The following PKHD1 variants were observed in gnomAD, a reference collection of about 807,000 sequenced individuals.
PKHD1 encodes the protein fibrocystin.
In PKHD1, 291 loss-of-function variants were observed where a neutral mutation model predicts 412.0. That is an observed-to-expected ratio of 0.71 (90% CI 0.64 to 0.78). PKHD1 has a LOEUF of 0.78. PKHD1 is among the 30% of genes least tolerant of loss of function. The pLI is 0.00. For synonymous variants in PKHD1, 1,777 were observed against 1,821.5 expected (o/e 0.98, Z 0.62); for missense variants, 4,825 against 4,950.7 (o/e 0.97, Z 0.76).
chr6:52,056,005 A>AT (rs1259650054), intron 18 of PKHD1, among the ~76,000 whole-genome samples: 1 of 152,104 alleles, frequency 6.6e-6, no homozygotes, highest in Admixed American at 6.5e-5. Context: ...CACTATTAAT[A>AT]TTTTAGGGGC....
At chr6:51,968,539 T>C (rs1793185782) in intron 35 of PKHD1, among the ~76,000 whole-genome samples, 1 of 152,208 alleles carries the variant, frequency 6.6e-6, no homozygotes, top group African/African-American at 2.4e-5. Flanking sequence ...CTTCTCCCTG[T>C]CTTCTTGTTG....
At chr6:51,738,800 C>CTG (rs2150932175) in intron 60 of PKHD1, among the ~76,000 whole-genome samples, 1 of 152,218 alleles carries the variant, frequency 6.6e-6, no homozygotes, top group Non-Finnish European at 1.5e-5. Flanking sequence ...AGAGTCCCTG[C>CTG]CCTGGCTGCT....
chr6:51,670,027 A>AT (rs1275695436), intron 60 of PKHD1, among the ~76,000 whole-genome samples: 5 of 150,982 alleles, frequency 3.3e-5, no homozygotes, highest in Non-Finnish European at 5.9e-5. Context: ...TATTCTGGTG[A>AT]TTTGGGGTGG....
chr6:52,050,286 G>C lies in PKHD1; in HGVS notation c.2150C>G (p.Ala717Gly). ...IADTNVTVSQ[A>G]DSGTARPGGN... is the part of the protein sequence containing the mutation. ...CCCTGGGCGAGCCGTTCCAGAATCAGCTTGAGAAACTAGAGACCAGTGATC... is the reference window on the plus strand; with the variant it reads ...CCCTGGGCGAGCCGTTCCAGAATCACCTTGAGAAACTAGAGACCAGTGATC... The change falls in exon 22 of 67, where the codon GCT (alanine) becomes GGT (glycine). Residue 717 changes from alanine to glycine, a missense_variant. Transcript: ENST00000371117. 6.2e-7 allele frequency: 1 copy of C among 1,614,158 alleles called. No homozygotes were observed. Among genetic ancestry groups the C allele is most frequent in the Non-Finnish European group, 8.5e-7 (1 of 1,180,002 alleles).
At chr6:51,829,736 T>C (rs1767931156) in intron 52 of PKHD1, among the ~76,000 whole-genome samples, 1 of 152,138 alleles carries the variant, frequency 6.6e-6, no homozygotes, top group African/African-American at 2.4e-5. Context: ...CTTCTTTCAT[T>C]CTTCCTTCAT....
rs1224319154 is a variant in PKHD1, at chr6:52,083,267, T to C, written c.53-12A>G. The C allele has an allele frequency of 1.3e-6, 2 of 1,577,968 alleles. No homozygotes were observed. Among genetic ancestry groups the C allele is most frequent in the Non-Finnish European group, 1.7e-6 (2 of 1,147,100 alleles). ...ACTCAGGTGACGTACTGTAAGTAAG[T>C]GAAAAAAAACATTGGTTTTGAAGGT... On this transcript the variant is annotated splice_polypyrimidine_tract_variant and intron_variant, in intron 2 of 66. Coordinates refer to ENST00000371117, the MANE Select transcript of PKHD1 (RefSeq NM_138694.4).
chr6:51,711,856 T>C (rs1335097467), intron 60 of PKHD1, among the ~76,000 whole-genome samples: 1 of 152,250 alleles, frequency 6.6e-6, no homozygotes, highest in Admixed American at 6.5e-5. Flanking sequence ...CCAATCATAT[T>C]TGCAAATATG....
chr6:51,909,951 C>A (rs989935223), intron 39 of PKHD1, among the ~76,000 whole-genome samples: 1 of 152,086 alleles, frequency 6.6e-6, no homozygotes, highest in African/African-American at 2.4e-5. Flanking sequence ...TTAGCAATAA[C>A]GCTACCACAG....
At chr6:51,874,361 G>T (rs1193059064) in intron 46 of PKHD1, among the ~76,000 whole-genome samples, 1 of 152,142 alleles carries the variant, frequency 6.6e-6, no homozygotes, top group Non-Finnish European at 1.5e-5. Context: ...ACCCAAACTA[G>T]GATATATCGT....
chr6:51,665,226 T>C (rs1039611402), intron 60 of PKHD1, among the ~76,000 whole-genome samples: 6 of 152,110 alleles, frequency 3.9e-5, no homozygotes, highest in Non-Finnish European at 7.4e-5. Flanking sequence ...TTGTGACAGA[T>C]ATACTTTTTC....
intron 56 of PKHD1, among the ~76,000 whole-genome samples, chr6:51,754,069 T>A (rs1786556976): frequency 6.6e-6 from 1 of 152,196 alleles, no homozygotes; most frequent in Non-Finnish European, 1.5e-5. Context: ...GATTTGCCTC[T>A]CAAGTATCAG....
chr6:52,012,418 T>C (rs1360195680), intron 34 of PKHD1, among the ~76,000 whole-genome samples: 2 of 152,228 alleles, frequency 1.3e-5, no homozygotes, highest in African/African-American at 4.8e-5. Flanking sequence ...GTTGCTCAAA[T>C]TTGTTTTGAA....
chr6:51,996,347 T>C (rs1030593798), intron 35 of PKHD1, among the ~76,000 whole-genome samples: 6 of 152,044 alleles, frequency 3.9e-5, no homozygotes, highest in Admixed American at 3.9e-4. Context: ...TTTGGGGAGA[T>C]GAATTATGAG....
At chr6:51,997,861 C>T (rs908109955) in intron 35 of PKHD1, among the ~76,000 whole-genome samples, 1 of 152,160 alleles carries the variant, frequency 6.6e-6, no homozygotes, top group African/African-American at 2.4e-5. Context: ...TCCCATCAGT[C>T]GTTTCTGCCT....
At chr6:51,903,871 T>C (rs1194648896) in intron 42 of PKHD1, 115 bp downstream of exon 42, 3 of 501,554 alleles carry the variant, frequency 6.0e-6, no homozygotes, top group East Asian at 3.6e-5. Context: ...TTAGAAAATA[T>C]TTAGTATGCA....
At chr6:51,864,501 C>G (rs941106234) in intron 48 of PKHD1, among the ~76,000 whole-genome samples, 3 of 152,018 alleles carry the variant, frequency 2.0e-5, no homozygotes, top group African/African-American at 7.2e-5. Flanking sequence ...GAAAATTGAG[C>G]TGATAGGTGA....
intron 35 of PKHD1, among the ~76,000 whole-genome samples, chr6:51,961,753 G>A (rs1265206072): frequency 6.6e-6 from 1 of 152,092 alleles, no homozygotes; most frequent in African/African-American, 2.4e-5. Flanking sequence ...CAGGTTATCT[G>A]TAGTGTCAGC....
intron 7 of PKHD1, 72 bp downstream of exon 7, chr6:52,073,391 A>G (rs1810908430): frequency 3.2e-6 from 3 of 924,438 alleles, no homozygotes; most frequent in South Asian, 1.3e-5. Context: ...TATTGCCATC[A>G]GGGAAGCTGG....
At chr6:51,731,449 C>T (rs1337222718) in intron 60 of PKHD1, among the ~76,000 whole-genome samples, 2 of 152,156 alleles carry the variant, frequency 1.3e-5, no homozygotes, top group East Asian at 3.9e-4. Flanking sequence ...TTCTCAGTCT[C>T]AGAAAATCTT....
Sources: allele counts gnomAD v4.1 joint callset (sites outside exome capture counted in the v4.1 genomes callset), GRCh38; gene constraint gnomAD v4.1.1; transcripts MANE v1.5; gene names NCBI Gene and HGNC (gene_info 2026-07-23, HGNC 2026-07-21).